The following APBA1 variants were observed in gnomAD, a reference collection of about 807,000 sequenced individuals.
APBA1 encodes amyloid-beta A4 precursor protein-binding family A member 1.
Under a neutral mutation model 86.6 loss-of-function variants are expected in APBA1, and 55 were observed. The ratio of observed to expected loss-of-function variants is 0.64; its 90% CI spans 0.51 to 0.80. The LOEUF (loss-of-function observed/expected upper bound fraction) is 0.80, where lower values mean the gene tolerates loss of function less well. Among genes scored for constraint, APBA1 ranks in the 30% least tolerant of loss-of-function variants. The probability of loss-of-function intolerance (pLI) is 0.00; values close to 1 mark genes in which losing one functional copy is unlikely to be tolerated. For synonymous variants in APBA1, 511 were observed against 493.9 expected (o/e 1.03, Z -0.46); for missense variants, 1,090 against 1,183.0 (o/e 0.92, Z 1.15).
At chr9:69,619,520 C>G (rs183049598) in intron 1 of APBA1, among the ~76,000 whole-genome samples, 16 of 152,302 alleles carry the variant, frequency 1.1e-4, no homozygotes, top group African/African-American at 3.8e-4. Context: ...TGTTTTAAAA[C>G]TCAAAGTATG....
rs1208700685 is a variant in APBA1, at chr9:69,658,302, C to T, written c.-70+13851G>A. Among the ~76,000 whole-genome samples the T allele has an allele frequency of 1.6e-3, 132 of 83,684 alleles. 2 individuals carry two copies. Among genetic ancestry groups the T allele is most frequent in the South Asian group, 4.8e-3 (10 of 2,064 alleles). 54.9% of individuals were successfully genotyped at this position (83,684 alleles called of 152,430 possible). On this transcript the variant is annotated intron_variant, in intron 1 of 12. Transcript: ENST00000265381. Reference sequence around the variant, plus strand: ...TTTCTTTCTCTCTCTCTTTCTCTCTCTCTCTTTCTTTCTTTCTTTCTTTCT... The same window carrying T: ...TTTCTTTCTCTCTCTCTTTCTCTCTTTCTCTTTCTTTCTTTCTTTCTTTCT...
chr9:69,656,444 TA>T (rs1823613114), intron 1 of APBA1, among the ~76,000 whole-genome samples: 1 of 152,196 alleles, frequency 6.6e-6, no homozygotes, highest in Admixed American at 6.5e-5. Flanking sequence ...TCTACAATAT[TA>T]AACAAGAAGT....
intron 1 of APBA1, among the ~76,000 whole-genome samples, chr9:69,603,697 A>G (rs10780539): frequency 0.56 from 85,847 of 152,216 alleles, 26,035 homozygotes; most frequent in East Asian, 0.85. Context: ...CTAGTAGGCC[A>G]TAAGGCCAAA....
rs1040063418 is a variant in APBA1 at position 69,431,169 on chromosome 9, GGA to G, written c.*156_*157del. On this transcript the variant is annotated 3_prime_UTR_variant, in exon 13 of 13. Coordinates refer to ENST00000265381, the MANE Select transcript of APBA1 (RefSeq NM_001163.4). ...AAAAAAAAAAAAAAAAAAGCAAATC[GGA>G]GAGAGTAAAGAGGTCCTTGTGGATT... 1.8e-5 allele frequency: 9 copies of G among 490,976 alleles called. No homozygotes were observed. Among genetic ancestry groups the G allele is most frequent in the African/African-American group, 1.6e-4 (8 of 49,730 alleles). 30.4% of individuals were successfully genotyped at this position (490,976 alleles called of 1,614,324 possible).
chr9:69,431,458 CTGCCCAGGGCTGGCCAGAGAGGCAG>C (rs1204902194), intron 12 of APBA1, 60 bp from the exon 13 acceptor site: 1 of 1,458,180 alleles, frequency 6.9e-7, no homozygotes, highest in Admixed American at 1.8e-5. Flanking sequence ...TGCGTGGGCA[CTGCCCAGGGCTGGCCAGAGAGGCAG>C]TGCCTCTCCC....
chr9:69,547,801 C>A (rs78347896), intron 1 of APBA1, among the ~76,000 whole-genome samples: 1 of 152,198 alleles, frequency 6.6e-6, no homozygotes, highest in Non-Finnish European at 1.5e-5. Context: ...AAGTGCTTTA[C>A]TCAGCAGTCT....
chr9:69,539,884 T>G (rs911915441), intron 1 of APBA1, among the ~76,000 whole-genome samples: 50 of 152,058 alleles, frequency 3.3e-4, no homozygotes, highest in African/African-American at 1.2e-3. Context: ...TTTAGGAGGC[T>G]AAGGGTGGCG....
intron 1 of APBA1, among the ~76,000 whole-genome samples, chr9:69,637,017 T>C (rs770909934): frequency 6.6e-6 from 1 of 151,852 alleles, no homozygotes; most frequent in South Asian, 2.1e-4. Flanking sequence ...TGGAGTACTA[T>C]TCAGCCATAT....
chr9:69,457,945 C>T (rs1000054551), intron 6 of APBA1, among the ~76,000 whole-genome samples: 2 of 152,182 alleles, frequency 1.3e-5, no homozygotes, highest in Non-Finnish European at 1.5e-5. Flanking sequence ...TGTCGTTCCT[C>T]TGAAGTGAAA....
intron 2 of APBA1, among the ~76,000 whole-genome samples, chr9:69,511,937 G>T (rs1006559994): frequency 3.3e-5 from 5 of 151,608 alleles, no homozygotes; most frequent in Non-Finnish European, 2.9e-5. Context: ...GTGGGGGTAG[G>T]GGGGAGGGAT....
chr9:69,462,060 A>G (rs1340797761), intron 5 of APBA1: 1 of 152,242 alleles, frequency 6.6e-6, no homozygotes, highest in Non-Finnish European at 1.5e-5. Context: ...TAAGATGAAT[A>G]TATGAATATT....
chr9:69,491,162 T>C (rs539387707), intron 2 of APBA1, among the ~76,000 whole-genome samples: 11 of 152,216 alleles, frequency 7.2e-5, no homozygotes, highest in East Asian at 3.9e-4. Context: ...ACACGTATGT[T>C]TATTGTGGCA....
At chr9:69,584,220 C>T (rs778308968) in intron 1 of APBA1, among the ~76,000 whole-genome samples, 1 of 151,262 alleles carries the variant, frequency 6.6e-6, no homozygotes, top group African/African-American at 2.4e-5. Context: ...TGTACATCTC[C>T]GTGTGTGTGT....
At chr9:69,637,194 A>C (rs1161577560) in intron 1 of APBA1, among the ~76,000 whole-genome samples, 5 of 152,040 alleles carry the variant, frequency 3.3e-5, no homozygotes, top group Admixed American at 2.6e-4. Flanking sequence ...AGAGATAGAG[A>C]ATAGAATGAA....
chr9:69,638,640 T>C (rs1411426622), intron 1 of APBA1, among the ~76,000 whole-genome samples: 1 of 152,210 alleles, frequency 6.6e-6, no homozygotes, highest in African/African-American at 2.4e-5. Context: ...CATGTGCATG[T>C]TTAAATAGTT....
intron 11 of APBA1, among the ~76,000 whole-genome samples, chr9:69,439,138 C>T (rs1834760542): frequency 2.3e-5 from 2 of 87,370 alleles, no homozygotes; most frequent in South Asian, 5.1e-4. Context: ...GAGTTTCTGC[C>T]AAGAGATCCG....
At chr9:69,485,121 T>G (rs1327399213) in intron 2 of APBA1, among the ~76,000 whole-genome samples, 2 of 151,970 alleles carry the variant, frequency 1.3e-5, no homozygotes, top group African/African-American at 2.4e-5. Context: ...TGGCCTCAAT[T>G]TGCATTTTGA....
chr9:69,643,746 G>A (rs535691268), intron 1 of APBA1, among the ~76,000 whole-genome samples: 2 of 152,314 alleles, frequency 1.3e-5, no homozygotes, highest in Non-Finnish European at 2.9e-5. Context: ...AAAGCCCAGT[G>A]CAGGACTAGC....
At chr9:69,671,510 G>C (rs916671701) in intron 1 of APBA1, among the ~76,000 whole-genome samples, 1 of 152,166 alleles carries the variant, frequency 6.6e-6, no homozygotes, top group Non-Finnish European at 1.5e-5. Flanking sequence ...GAGTTGCAGG[G>C]TCAAAATAAC....
Sources: allele counts gnomAD v4.1 joint callset (sites outside exome capture counted in the v4.1 genomes callset), GRCh38; gene constraint gnomAD v4.1.1; transcripts MANE v1.5; gene names NCBI Gene and HGNC (gene_info 2026-07-23, HGNC 2026-07-21).